The following CADM4 variants were observed in gnomAD, a reference collection of about 807,000 sequenced individuals.
CADM4 encodes the protein cell adhesion molecule 4.
CADM4 carries 13 observed loss-of-function variants against 43.9 expected under a neutral mutation model. The ratio of observed to expected loss-of-function variants is 0.30; its 90% CI spans 0.19 to 0.47. The LOEUF (loss-of-function observed/expected upper bound fraction) is 0.47, where lower values mean the gene tolerates loss of function less well. CADM4 is among the 20% of genes least tolerant of loss of function. The pLI is 1.00. For synonymous variants in CADM4, 209 were observed against 220.9 expected (o/e 0.95, Z 0.48); for missense variants, 420 against 527.0 (o/e 0.80, Z 1.99).
intron 7 of CADM4, 95 bp downstream of exon 7, chr19:43,624,983 C>T (rs1437974591): frequency 2.0e-5 from 26 of 1,321,812 alleles, no homozygotes; most frequent in East Asian, 1.0e-4. Context: ...CTGTTGGCTG[C>T]CGAACCCCTG....
chr19:43,639,881 G>GCGC, upstream of CADM4: 1 of 885,956 alleles, frequency 1.1e-6, no homozygotes, highest in Non-Finnish European at 1.3e-6. Flanking sequence ...CCCGCCCCCT[G>GCGC]CCCGCCCGGG....
At chr19:43,633,849 TAAAA>T (rs562387883) in intron 1 of CADM4, among the ~76,000 whole-genome samples, 1 of 147,626 alleles carries the variant, frequency 6.8e-6, no homozygotes, top group Non-Finnish European at 1.5e-5. Flanking sequence ...CCCAGCTAAT[TAAAA>T]AAAAAAAAAT....
chr19:43,635,330 C>T (rs1176933436), intron 1 of CADM4, among the ~76,000 whole-genome samples: 1 of 151,948 alleles, frequency 6.6e-6, no homozygotes, highest in East Asian at 1.9e-4. Context: ...CCCTCAGCCC[C>T]CCATCAATGG....
At chr19:43,624,073 ACAAC>A in intron 8 of CADM4, 37 bp downstream of exon 8, 1 of 1,610,596 alleles carries the variant, frequency 6.2e-7, no homozygotes, top group Non-Finnish European at 8.5e-7. Context: ...TCCGAGCCCT[ACAAC>A]CAACCAACCG....
In CADM4 at chr19:43,639,848, G is replaced by GCCGCCCGCC. The variant is rs1177181534; in HGVS notation, c.-59_-58insGGCGGGCGG. 1 of 976,814 alleles carries GCCGCCCGCC rather than the reference G, an allele frequency of 1.0e-6. No individual in the cohort carries two copies. Among genetic ancestry groups the GCCGCCCGCC allele is most frequent in the Non-Finnish European group, 1.2e-6 (1 of 825,974 alleles). 60.5% of individuals were successfully genotyped at this position (976,814 alleles called of 1,614,324 possible). A position where few individuals can be genotyped will look rare whatever the true frequency, so the allele number is the denominator to read the frequency against. ...CCGGCCCGGCACCTGCACCGCCCGC[G>GCCGCCCGCC]CCGCCCGCCCCGCCCCCCGCGCCCC... On this transcript the variant is annotated 5_prime_UTR_variant, in exon 1 of 9. Transcript: ENST00000222374.
chr19:43,625,224 C>CAGAT lies in CADM4; in HGVS notation c.781_782insATCT (p.Gly261AspfsTer4). 1 of 1,614,192 alleles carries CAGAT rather than the reference C, an allele frequency of 6.2e-7. No homozygotes were observed. Among genetic ancestry groups the CAGAT allele is most frequent in the Non-Finnish European group, 8.5e-7 (1 of 1,180,004 alleles). ...CGCCCTCTCCGGCAAAGACTCATTC[C>CAGAT]CGCGGTTCCAGCGGATCTGGTTTGG... On this transcript the variant is annotated frameshift_variant, in exon 7 of 9. Coordinates refer to ENST00000222374, the MANE Select transcript of CADM4 (RefSeq NM_145296.2). LOFTEE classifies it high-confidence loss of function. The surrounding 1 kb of genome is among the most constrained non-coding windows in gnomAD (Gnocchi z 4.5).
In CADM4 at chr19:43,622,465, T is replaced by C. The variant is rs1277383063; in HGVS notation, c.*865A>G. 2 of 152,210 alleles carry C rather than the reference T, an allele frequency of 1.3e-5. No individual in the cohort carries two copies. Among genetic ancestry groups the C allele is most frequent in the Non-Finnish European group, 2.9e-5 (2 of 68,106 alleles). 9.4% of individuals were successfully genotyped at this position (152,210 alleles called of 1,614,324 possible). A position where few individuals can be genotyped will look rare whatever the true frequency, so the allele number is the denominator to read the frequency against. The stretch of plus-strand genomic sequence containing the variant: ...ACAAAATGTGTGTGTGGTTTTTTGT[T>C]TTTTGTTTTTTGTTTTTTAACAAGA... On this transcript the variant is annotated 3_prime_UTR_variant, in exon 9 of 9. Transcript: ENST00000222374.
At chr19:43,634,692 A>G (rs1296044538) in intron 1 of CADM4, among the ~76,000 whole-genome samples, 1 of 152,044 alleles carries the variant, frequency 6.6e-6, no homozygotes, top group African/African-American at 2.4e-5. Context: ...GTTGACAGCC[A>G]GGAGTCGTCA....
upstream of CADM4, among the ~76,000 whole-genome samples, chr19:43,641,869 G>T (rs147075966): frequency 6.6e-6 from 1 of 152,074 alleles, no homozygotes; most frequent in African/African-American, 2.4e-5. Flanking sequence ...GCCTTTTCCC[G>T]CAGGAGCCAA....
chr19:43,626,730 C>A lies in CADM4; in HGVS notation c.499+54G>T. 2 of 1,499,132 alleles carry A rather than the reference C, an allele frequency of 1.3e-6. No homozygotes were observed. Among genetic ancestry groups the A allele is most frequent in the South Asian group, 2.7e-5 (2 of 74,386 alleles). The allele number at this position is 1,499,132 out of a possible 1,614,324, so 92.9% of individuals were successfully genotyped here. A position where few individuals can be genotyped will look rare whatever the true frequency, so the allele number is the denominator to read the frequency against. ...TGGCTCCTCTCCACATATAAACAACCTCTCCTAAGTCCCACCTCCTCCCCA... is the reference window on the plus strand; with the variant it reads ...TGGCTCCTCTCCACATATAAACAACATCTCCTAAGTCCCACCTCCTCCCCA... On this transcript the variant is annotated intron_variant, in intron 4 of 8. Transcript: ENST00000222374. The surrounding 1 kb of genome is among the most constrained non-coding windows in gnomAD (Gnocchi z 5.9).
chr19:43,633,071 C>CAA lies in CADM4; in HGVS notation c.65-5283_65-5282dup, dbSNP rs1167707172. Among the ~76,000 whole-genome samples, 45 of 56,886 alleles carry CAA rather than the reference C, an allele frequency of 7.9e-4. 1 individual carries two copies. The highest frequency in any genetic ancestry group is 3.1e-3 in the South Asian group (5 of 1,624). 37.3% of individuals were successfully genotyped at this position (56,886 alleles called of 152,430 possible). ...TGGGTGACAGAGAGAGACTCTGTCT[C>CAA]AAAAAAAAAAAAAAAAAAAAGAGAC... On this transcript the variant is annotated intron_variant, in intron 1 of 8. Transcript: ENST00000222374.
At chr19:43,630,250 C>G (rs1973598277) in intron 1 of CADM4, among the ~76,000 whole-genome samples, 1 of 149,514 alleles carries the variant, frequency 6.7e-6, no homozygotes, top group South Asian at 2.1e-4. Flanking sequence ...CTACTATTAT[C>G]CCCATTTTCC....
upstream of CADM4, among the ~76,000 whole-genome samples, chr19:43,640,310 T>G (rs1973759903): frequency 1.4e-5 from 2 of 141,784 alleles, no homozygotes; most frequent in Non-Finnish European, 1.5e-5. Flanking sequence ...AGGGAGGGAG[T>G]GCGACGTGGG....
chr19:43,629,039 A>T (rs970933933), intron 1 of CADM4, among the ~76,000 whole-genome samples: 1 of 152,266 alleles, frequency 6.6e-6, no homozygotes, highest in African/African-American at 2.4e-5. Flanking sequence ...CTACTGCTAA[A>T]GTTAACTGAT....
Position 43,639,748 on chromosome 19 carries a change from A to G in CADM4, c.43T>C (p.Trp15Arg). The G allele has an allele frequency of 2.9e-6, 3 of 1,017,000 alleles. No homozygotes were observed. The highest frequency in any genetic ancestry group is 3.5e-6 in the Non-Finnish European group (3 of 849,842). The allele number at this position is 1,017,000 out of a possible 1,614,324, so 63.0% of individuals were successfully genotyped here. A position where few individuals can be genotyped will look rare whatever the true frequency, so the allele number is the denominator to read the frequency against. ...RRFQWPLLLL[W>R]AAAAGPGAGQ... ...CTACCTGGCCCCGCCGCGGCCGCCC[A>G]CAGCAGCAGCAGCGGCCACTGGAAG... Residue 15 changes from tryptophan to arginine, a missense_variant, in exon 1 of 9, where the codon TGG (tryptophan) becomes CGG (arginine). By Grantham distance (101) the Trp-to-Arg change is moderately radical. Coordinates refer to ENST00000222374, the MANE Select transcript of CADM4 (RefSeq NM_145296.2).
rs1467926366 is a variant in CADM4 at position 43,626,823 on chromosome 19, C to A, written c.460G>T (p.Ala154Ser). 1 of 1,609,744 alleles carries A rather than the reference C, an allele frequency of 6.2e-7. No homozygotes were observed. Among genetic ancestry groups the A allele is most frequent in the Non-Finnish European group, 8.5e-7 (1 of 1,177,780 alleles). ...CGGTCCCGGTACCAGCGCAGGGTGG[C>A]AGCCGGACGGGACCGCGGAACGAGG... The part of the protein sequence containing the change: ...SCLVPRSRPA[A>S]TLRWYRDRKE... Residue 154 changes from alanine to serine, a missense_variant, in exon 4 of 9, where the codon GCC (alanine) becomes TCC (serine). Transcript: ENST00000222374. The surrounding 1 kb of genome is among the most constrained non-coding windows in gnomAD (Gnocchi z 5.9).
At chr19:43,631,145 A>G (rs1973618025) in intron 1 of CADM4, among the ~76,000 whole-genome samples, 1 of 152,138 alleles carries the variant, frequency 6.6e-6, no homozygotes, top group Non-Finnish European at 1.5e-5. Context: ...GTTCGAGACC[A>G]GCCTGACCAA....
At position 43,627,640 on chromosome 19, in the gene CADM4, TCAC is replaced by T; in HGVS notation, c.211+1_211+3del. ...GACTCCTGAGTCTGGTCCCCAGCAC[TCAC>T]CACGGGTGCCATTGAAGAAGAGGGT... On this transcript the variant is annotated splice_donor_variant and splice_donor_region_variant and intron_variant, in intron 2 of 8. Coordinates refer to ENST00000222374, the MANE Select transcript of CADM4 (RefSeq NM_145296.2). LOFTEE classifies it high-confidence loss of function. This position sits in a 1 kb window ranked among gnomAD's most constrained non-coding sequence, Gnocchi z 4.0. 1 of 1,612,586 alleles carries T rather than the reference TCAC, an allele frequency of 6.2e-7. No homozygotes were observed. The highest frequency in any genetic ancestry group is 8.5e-7 in the Non-Finnish European group (1 of 1,178,858).
At chr19:43,641,833 A>G (rs1024757297), upstream of CADM4, among the ~76,000 whole-genome samples, 1 of 152,290 alleles carries the variant, frequency 6.6e-6, no homozygotes, top group South Asian at 2.1e-4. Flanking sequence ...CCTTTGGAAT[A>G]CTGGTCCAAG....
Sources: gnomAD v4.1 joint callset for allele counts (sites outside exome capture counted in the v4.1 genomes callset) on GRCh38, gnomAD v4.1.1 for gene constraint, Gnocchi (gnomAD v3.1) non-coding constraint, MANE v1.5 for transcripts, NCBI Gene and HGNC (gene_info 2026-07-23, HGNC 2026-07-21) for gene names.